The following SMC5 variants were observed in gnomAD, a reference collection of about 807,000 sequenced individuals.
SMC5 encodes the protein structural maintenance of chromosomes protein 5.
Under a neutral mutation model 148.3 loss-of-function variants are expected in SMC5, and 88 were observed. The ratio of observed to expected loss-of-function variants is 0.59; its 90% CI spans 0.50 to 0.71. The LOEUF is 0.71. Among genes scored for constraint, SMC5 ranks in the 30% least tolerant of loss-of-function variants. SMC5 has a pLI of 0.00. For missense variants in SMC5, 1,142 were observed against 1,298.9 expected (o/e 0.88, Z 1.86); for synonymous variants, 421 against 432.8 (o/e 0.97, Z 0.34).
At chr9:70,274,303 G>A (rs960650255) in intron 3 of SMC5, among the ~76,000 whole-genome samples, 1 of 151,982 alleles carries the variant, frequency 6.6e-6, no homozygotes, top group Non-Finnish European at 1.5e-5. Flanking sequence ...GGACGGTCTC[G>A]ATCTCCTGAC....
Position 70,343,262 on chromosome 9 carries a change from C to T in SMC5, c.2398-882C>T, listed in dbSNP as rs147763425. Among the ~76,000 whole-genome samples, 646 of 151,908 alleles carry T rather than the reference C, an allele frequency of 4.3e-3. 5 individuals are homozygous for T. Among genetic ancestry groups the T allele is most frequent in the African/African-American group, 0.014 (598 of 41,416 alleles). On this transcript the variant is annotated intron_variant, in intron 17 of 24. Transcript: ENST00000361138. ...GCCAAGGGCCCAGCACATAAGCATT[C>T]GGTAAAGAGTATCTGTTTCTGTTAT...
intron 17 of SMC5, among the ~76,000 whole-genome samples, chr9:70,324,691 T>C (rs899889150): frequency 6.6e-6 from 1 of 152,144 alleles, no homozygotes; most frequent in African/African-American, 2.4e-5. Flanking sequence ...TCTTCAAGTT[T>C]AGGGGTCTCC....
intron 3 of SMC5, among the ~76,000 whole-genome samples, chr9:70,268,845 C>T (rs2034366092): frequency 6.6e-6 from 1 of 152,068 alleles, no homozygotes; most frequent in African/African-American, 2.4e-5. Flanking sequence ...TTCCCTTGAG[C>T]TTGGATATTC....
At chr9:70,326,929 T>A (rs2036095788) in intron 17 of SMC5, among the ~76,000 whole-genome samples, 1 of 152,152 alleles carries the variant, frequency 6.6e-6, no homozygotes, top group Non-Finnish European at 1.5e-5. Flanking sequence ...AATGTTATTC[T>A]GAAAATATTA....
chr9:70,332,692 A>G (rs368266844), intron 17 of SMC5, among the ~76,000 whole-genome samples: 21 of 152,330 alleles, frequency 1.4e-4, no homozygotes, highest in African/African-American at 4.6e-4. Context: ...AATTCTTCAT[A>G]TAATGTTAGC....
chr9:70,347,925 G>A lies in SMC5; in HGVS notation c.2776G>A (p.Glu926Lys). The stretch of plus-strand genomic sequence containing the variant: ...ATATTGCCTTTATTTGTAGGTAAAA[G>A]AAAGGTGGCTTAATCCTTTAAAAGA... ...QYRENISQVK[E>K]RWLNPLKELV... Residue 926 changes from glutamate to lysine, a missense_variant, in exon 22 of 25, where the codon GAA becomes AAA. Around this residue, in one of 5 missense-constraint regions of SMC5, gnomAD observed 743 missense variants for 835.7 expected, o/e 0.89. Transcript: ENST00000361138. 1 of 1,582,890 alleles carries A rather than the reference G, an allele frequency of 6.3e-7. No homozygotes were observed. The highest frequency in any genetic ancestry group is 8.6e-7 in the Non-Finnish European group (1 of 1,166,500).
chr9:70,294,947 T>C (rs1040513478), intron 8 of SMC5, among the ~76,000 whole-genome samples: 1 of 152,064 alleles, frequency 6.6e-6, no homozygotes, highest in Admixed American at 6.6e-5. Context: ...GGGAGGTAGT[T>C]AACATAGCAA....
chr9:70,303,391 T>C (rs950529800), intron 10 of SMC5, among the ~76,000 whole-genome samples: 2 of 152,200 alleles, frequency 1.3e-5, no homozygotes, highest in Non-Finnish European at 2.9e-5. Flanking sequence ...AACATCCACA[T>C]ACGTTTTCTT....
At chr9:70,273,362 C>A (rs2118074616) in intron 3 of SMC5, among the ~76,000 whole-genome samples, 1 of 151,788 alleles carries the variant, frequency 6.6e-6, no homozygotes, top group South Asian at 2.1e-4. Flanking sequence ...ACATGAATAC[C>A]ATCCTCTTAT....
chr9:70,279,555 G>A (rs958488895), intron 5 of SMC5, among the ~76,000 whole-genome samples: 18 of 152,056 alleles, frequency 1.2e-4, no homozygotes, highest in African/African-American at 2.7e-4. Flanking sequence ...GGTGGCTCAC[G>A]CCTGTAATCC....
chr9:70,286,718 T>C, intron 8 of SMC5: 1 of 78,020 alleles, frequency 1.3e-5, no homozygotes, highest in South Asian at 3.7e-4. Flanking sequence ...ACTTTTCGTC[T>C]TTTTTTTTTT....
chr9:70,281,780 A>G (rs73446781), intron 6 of SMC5, among the ~76,000 whole-genome samples: 105 of 151,802 alleles, frequency 6.9e-4, no homozygotes, highest in African/African-American at 1.8e-3. Flanking sequence ...TCCTGTGTCC[A>G]TTATTACTGC....
At chr9:70,348,121 C>A in intron 22 of SMC5, 83 bp downstream of exon 22, 4 of 1,227,130 alleles carry the variant, frequency 3.3e-6, no homozygotes, top group Non-Finnish European at 4.3e-6. Context: ...TATTTATTTA[C>A]TTTTGAGTTA....
chr9:70,273,398 A>G (rs1462782081), intron 3 of SMC5, among the ~76,000 whole-genome samples: 3 of 151,930 alleles, frequency 2.0e-5, no homozygotes, highest in African/African-American at 4.8e-5. Flanking sequence ...ATATTATTTT[A>G]TACAAAACAG....
chr9:70,299,467 G>A (rs536653347), intron 9 of SMC5, among the ~76,000 whole-genome samples: 25 of 151,936 alleles, frequency 1.6e-4, no homozygotes, highest in Non-Finnish European at 1.3e-4. Context: ...GAGGCCTCCT[G>A]CATGGTTATC....
chr9:70,291,310 C>T, intron 8 of SMC5, among the ~76,000 whole-genome samples: 1 of 152,180 alleles, frequency 6.6e-6, no homozygotes, highest in East Asian at 1.9e-4. Flanking sequence ...TTCAGCCAGG[C>T]AGTATTCACA....
Position 70,259,197 on chromosome 9 carries a change from C to T in SMC5, c.119C>T (p.Pro40Leu), listed in dbSNP as rs758418368. ...SKRKNSAPQLPLLQSSGPFVE... is the reference protein window; with the variant it reads ...SKRKNSAPQLLLLQSSGPFVE... The stretch of plus-strand genomic sequence containing the variant: ...AGGAAGAATTCGGCCCCGCAGCTGC[C>T]GCTGTTGCAGTCGTCCGGGCCTTTC... Residue 40 changes from proline (P) to leucine (L), a missense_variant, in exon 1 of 25, where the codon CCG (proline) becomes CTG (leucine). By Grantham distance (98) the Pro-to-Leu change is moderately conservative (BLOSUM62 -3). Transcript: ENST00000361138. The T allele has an allele frequency of 2.5e-6, 4 of 1,609,128 alleles. No homozygotes were observed. Among genetic ancestry groups the T allele is most frequent in the East Asian group, 4.5e-5 (2 of 44,704 alleles).
At chr9:70,308,471 G>A (rs1258966647) in intron 11 of SMC5, among the ~76,000 whole-genome samples, 1 of 151,468 alleles carries the variant, frequency 6.6e-6, no homozygotes, top group Non-Finnish European at 1.5e-5. Flanking sequence ...CAGGGCGCCT[G>A]TAGTCCCAGC....
chr9:70,266,842 T>C (rs1312191325), intron 2 of SMC5, among the ~76,000 whole-genome samples: 3 of 152,218 alleles, frequency 2.0e-5, no homozygotes, highest in African/African-American at 7.2e-5. Context: ...TTTTAATTCT[T>C]GCAAGCTAAT....
Sources: gnomAD v4.1 joint callset for allele counts (sites outside exome capture counted in the v4.1 genomes callset) on GRCh38, gnomAD v4.1.1 for gene constraint, gnomAD v4.1.1 regional missense constraint, MANE v1.5 for transcripts, NCBI Gene and HGNC (gene_info 2026-07-23, HGNC 2026-07-21) for gene names.